The following COL9A3 variants were observed in gnomAD, a reference collection of about 807,000 sequenced individuals.
COL9A3 encodes the protein collagen alpha-3(IX) chain.
COL9A3 carries 82 observed loss-of-function variants against 110.2 expected under a neutral mutation model. That is an observed-to-expected ratio of 0.74 (90% confidence interval 0.62 to 0.89). The LOEUF is 0.89. COL9A3 is among the 40% of genes least tolerant of loss of function. The probability of loss-of-function intolerance (pLI) is 0.00; values close to 1 mark genes in which losing one functional copy is unlikely to be tolerated. For missense variants in COL9A3, 1,066 were observed against 981.3 expected (o/e 1.09, Z -1.15); for synonymous variants, 494 against 403.8 (o/e 1.22, Z -2.68).
rs2063668417 is a variant in COL9A3, at chr20:62,840,481, T to C, written c.1865-61T>C. The C allele has an allele frequency of 9.5e-6, 14 of 1,481,324 alleles. No individual in the cohort carries two copies. In the South Asian group the frequency reaches 1.5e-4, roughly 16 times the overall value. 91.8% of individuals were successfully genotyped at this position (1,481,324 alleles called of 1,614,324 possible). A position where few individuals can be genotyped will look rare whatever the true frequency, so the allele number is the denominator to read the frequency against. On this transcript the variant is annotated intron_variant, in intron 31 of 31. Transcript: ENST00000649368. ...AGCAGGGCTTGCCCACAGCTGGATGTCAAGTCCCCCTGCTTTCAGTCCGGG... is the reference window on the plus strand; with the variant it reads ...AGCAGGGCTTGCCCACAGCTGGATGCCAAGTCCCCCTGCTTTCAGTCCGGG...
intron 12 of COL9A3, 57 bp downstream of exon 12, chr20:62,825,078 C>T (rs1043864794): frequency 1.2e-5 from 12 of 1,006,272 alleles, no homozygotes; most frequent in African/African-American, 5.2e-5. Context: ...TGGGCTCCGG[C>T]GGGAGGGAGG....
In COL9A3 at chr20:62,817,107, C is replaced by T. The variant is rs1466777259; in HGVS notation, c.43C>T (p.Leu15=). ...RACAPLLLLL[L]LGELLAAAGA... ...GTGCGCCCCGCTCCTGCTCCTGCTC[C>T]TGCTCGGGGAGCTTCTGGCGGCCGC... Residue 15 remains leucine, a synonymous_variant, in exon 1 of 32, where the codon CTG becomes TTG. Transcript: ENST00000649368. The T allele has an allele frequency of 5.0e-6, 7 of 1,405,052 alleles. No homozygotes were observed. The African/African-American group carries it at 6.0e-5, about 12-fold the overall frequency. 87.0% of individuals were successfully genotyped at this position (1,405,052 alleles called of 1,614,324 possible).
rs2063637137 is a variant in COL9A3 at position 62,836,471 on chromosome 20, A to G, written c.1549-7A>G. 6.8e-6 allele frequency: 11 copies of G among 1,613,510 alleles called. No homozygotes were observed. Among genetic ancestry groups the G allele is most frequent in the Non-Finnish European group, 9.3e-6 (11 of 1,179,824 alleles). On this transcript the variant is annotated splice_region_variant and splice_polypyrimidine_tract_variant and intron_variant, in intron 28 of 31. Transcript: ENST00000649368. The stretch of plus-strand genomic sequence containing the variant: ...CCATGCTGACGAATGTGTGGGGTGA[A>G]TTCCAGGGGAAGGAGGCCAGCGAGC...
chr20:62,836,998 A>C, intron 29 of COL9A3, 85 bp from the exon 30 acceptor site: 1 of 1,518,896 alleles, frequency 6.6e-7, no homozygotes, highest in Non-Finnish European at 9.0e-7. Flanking sequence ...GGAAGACAGC[A>C]CCGTGTAGAT....
chr20:62,840,415 C>T lies in COL9A3; in HGVS notation c.1865-127C>T, dbSNP rs6090135. The stretch of plus-strand genomic sequence containing the variant: ...GTGCCGTTCCCTCGGCCTCCCCACC[C>T]GCTGTGGCCTCTCCCCAAGTGAAGA... On this transcript the variant is annotated intron_variant, in intron 31 of 31. Coordinates refer to ENST00000649368, the MANE Select transcript of COL9A3 (RefSeq NM_001853.4). The T allele has an allele frequency of 0.019, 17,392 of 912,600 alleles. 1,819 individuals are homozygous for T. The African/African-American group carries it at 0.24, about 12-fold the overall frequency. The allele number at this position is 912,600 out of a possible 1,614,324, so 56.5% of individuals were successfully genotyped here.
chr20:62,824,884 G>A lies in COL9A3; in HGVS notation c.577-84G>A, dbSNP rs1164205928. On this transcript the variant is annotated intron_variant, in intron 11 of 31. Coordinates refer to ENST00000649368, the MANE Select transcript of COL9A3 (RefSeq NM_001853.4). The stretch of plus-strand genomic sequence containing the variant: ...CCGTGTGGCGGGCCCTGGGCTGACT[G>A]ACCCTGCAGGCCTCACTTCAGTGTT... The A allele has an allele frequency of 9.9e-6, 14 of 1,408,852 alleles. No individual in the cohort carries two copies. The Admixed American group carries it at 1.8e-4, about 18-fold the overall frequency. The allele number at this position is 1,408,852 out of a possible 1,614,324, so 87.3% of individuals were successfully genotyped here.
intron 12 of COL9A3, among the ~76,000 whole-genome samples, chr20:62,825,264 G>A (rs565909921): frequency 1.8e-4 from 28 of 152,138 alleles, no homozygotes; most frequent in Non-Finnish European, 3.4e-4. Context: ...TTCCAGACAG[G>A]GCCTGGCTGG....
chr20:62,832,752 C>T (rs2063606218), intron 25 of COL9A3: 1 of 392,876 alleles, frequency 2.5e-6, no homozygotes, highest in Non-Finnish European at 4.8e-6. Flanking sequence ...GGGCCTGCAG[C>T]CATCGAACCC....
chr20:62,817,645 G>A lies in COL9A3; in HGVS notation c.147+10G>A. 1 of 1,527,844 alleles carries A rather than the reference G, an allele frequency of 6.5e-7. No individual in the cohort carries two copies. Among genetic ancestry groups the A allele is most frequent in the South Asian group, 1.2e-5 (1 of 82,580 alleles). 94.6% of individuals were successfully genotyped at this position (1,527,844 alleles called of 1,614,324 possible). On this transcript the variant is annotated intron_variant, in intron 2 of 31. Coordinates refer to ENST00000649368, the MANE Select transcript of COL9A3 (RefSeq NM_001853.4). ...CCAGGACGGCATTGACGTGAGTTTGGGGGTGGGGAGGGCCCCGAGCGCTCT... is the reference window on the plus strand; with the variant it reads ...CCAGGACGGCATTGACGTGAGTTTGAGGGTGGGGAGGGCCCCGAGCGCTCT...
chr20:62,835,874 C>T, intron 26 of COL9A3, 47 bp from the exon 27 acceptor site: 2 of 1,609,698 alleles, frequency 1.2e-6, no homozygotes, highest in African/African-American at 1.3e-5. Flanking sequence ...ACTTCCCACC[C>T]ACCCAACAAT....
rs2063525295 is a variant in COL9A3 at position 62,823,312 on chromosome 20, A to G, written c.519+680A>G. 2.0e-5 allele frequency among the ~76,000 whole-genome samples: 3 copies of G among 152,202 alleles called. No individual in the cohort carries two copies. The South Asian group carries it at 6.2e-4, about 31-fold the overall frequency. On this transcript the variant is annotated intron_variant, in intron 10 of 31. Coordinates refer to ENST00000649368, the MANE Select transcript of COL9A3 (RefSeq NM_001853.4). ...GATCAAGCCACTGCACTCCAGCGTGAGCAGCCAAGCTCAAGCCTGTCTCAA... is the reference window on the plus strand; with the variant it reads ...GATCAAGCCACTGCACTCCAGCGTGGGCAGCCAAGCTCAAGCCTGTCTCAA...
chr20:62,840,889 C>A lies in COL9A3; in HGVS notation c.*157C>A. On this transcript the variant is annotated 3_prime_UTR_variant, in exon 32 of 32. Transcript: ENST00000649368. ...ACGCGCGGGCCTTGCCAGCGAGCAC[C>A]CTCATCGGGCTGTCGCCTGACAGCA... The A allele has an allele frequency of 1.3e-6, 1 of 750,322 alleles. No homozygotes were observed. Among genetic ancestry groups the A allele is most frequent in the Non-Finnish European group, 2.2e-6 (1 of 444,530 alleles). The allele number at this position is 750,322 out of a possible 1,614,324, so 46.5% of individuals were successfully genotyped here.
At position 62,840,704 on chromosome 20, in the gene COL9A3, G is replaced by A; in HGVS notation, c.2027G>A (p.Gly676Glu). 1.9e-6 allele frequency: 3 copies of A among 1,588,926 alleles called. No individual in the cohort carries two copies. Among genetic ancestry groups the A allele is most frequent in the Non-Finnish European group, 2.6e-6 (3 of 1,167,520 alleles). ...ACQGAVLGGV[G>E]EKSGSRSS is the part of the protein sequence containing the mutation. ...CAAGGAGCCGTGTTAGGAGGGGTCG[G>A]GGAGAAATCAGGCTCTCGAAGCTCA... Residue 676 changes from glycine (G) to glutamate (E), a missense_variant, in exon 32 of 32, where the codon GGG (glycine) becomes GAG (glutamate). Coordinates refer to ENST00000649368, the MANE Select transcript of COL9A3 (RefSeq NM_001853.4).
intron 1 of COL9A3, 33 bp downstream of exon 1, chr20:62,817,175 G>T (rs1990956296): frequency 7.4e-7 from 1 of 1,346,512 alleles, no homozygotes; most frequent in Admixed American, 2.9e-5. Context: ...GAGGCTGGAC[G>T]TGGAGCCGCG....
At chr20:62,837,477 AC>A (rs2063645888) in intron 30 of COL9A3, among the ~76,000 whole-genome samples, 1 of 152,206 alleles carries the variant, frequency 6.6e-6, no homozygotes, top group Admixed American at 6.5e-5. Context: ...TTTCTCAAAT[AC>A]CATTAGAACA....
In COL9A3 at chr20:62,818,645, C is replaced by A; in HGVS notation, c.183+92C>A. The A allele has an allele frequency of 2.2e-6, 3 of 1,364,356 alleles. No homozygotes were observed. The South Asian group carries it at 3.5e-5, about 16-fold the overall frequency. 84.5% of individuals were successfully genotyped at this position (1,364,356 alleles called of 1,614,324 possible). A position where few individuals can be genotyped will look rare whatever the true frequency, so the allele number is the denominator to read the frequency against. ...AGGGGTCATTGATATCCTGTCTCAT[C>A]CTGCCGGAGCCCGGGTTGCCTGAGG... is the stretch of plus-strand genomic sequence containing the variant. On this transcript the variant is annotated intron_variant, in intron 3 of 31. Coordinates refer to ENST00000649368, the MANE Select transcript of COL9A3 (RefSeq NM_001853.4).
At chr20:62,828,339 C>T (rs1428143314) in intron 17 of COL9A3, among the ~76,000 whole-genome samples, 1 of 152,226 alleles carries the variant, frequency 6.6e-6, no homozygotes. Context: ...TCTAGCCCCT[C>T]GTGTTGCCTC....
In COL9A3 at chr20:62,821,651, C is replaced by T. The variant is rs528269717; in HGVS notation, c.370-106C>T. The T allele has an allele frequency of 2.1e-5, 33 of 1,547,726 alleles. No individual in the cohort carries two copies. The African/African-American group carries it at 3.4e-4, about 16-fold the overall frequency. ...TCTCAGGGGCAGCCATCTGACCACC[C>T]CATACTTGGAGCCCCTCTCCCTTCG... is the stretch of plus-strand genomic sequence containing the variant. On this transcript the variant is annotated intron_variant, in intron 7 of 31. Transcript: ENST00000649368.
chr20:62,837,824 A>G (rs1244751534), intron 30 of COL9A3, among the ~76,000 whole-genome samples: 3 of 151,876 alleles, frequency 2.0e-5, no homozygotes, highest in Non-Finnish European at 2.9e-5. Flanking sequence ...GAAAAAAAAA[A>G]TGTGAGGAAT....
Sources: allele counts gnomAD v4.1 joint callset (sites outside exome capture counted in the v4.1 genomes callset), GRCh38; gene constraint gnomAD v4.1.1; transcripts MANE v1.5; gene names NCBI Gene and HGNC (gene_info 2026-07-23, HGNC 2026-07-21).